Variants in ANXA13 observed in about 807,000 individuals in gnomAD.
The protein encoded by ANXA13 is annexin A13, also known as annexin XIII.
In ANXA13, 36 loss-of-function variants were observed where a neutral mutation model predicts 46.6. That is an observed-to-expected ratio of 0.77 (90% CI 0.59 to 1.02). The LOEUF (loss-of-function observed/expected upper bound fraction) is 1.02. ANXA13 is among the 50% of genes least tolerant of loss of function. ANXA13 has a pLI of 0.00. For synonymous variants in ANXA13, 163 were observed against 152.9 expected, an observed-to-expected ratio of 1.07 and a Z score of -0.49; for missense variants, 417 against 396.5, an observed-to-expected ratio of 1.05 and a Z score of -0.44.
At chr8:123,731,269 C>T (rs1231542245) in intron 1 of ANXA13, among the ~76,000 whole-genome samples, 3 of 152,110 alleles carry the variant, frequency 2.0e-5, no homozygotes, top group Non-Finnish European at 4.4e-5. Flanking sequence ...ACGTTAGACT[C>T]GTGGCTCTCA....
intron 2 of ANXA13, among the ~76,000 whole-genome samples, chr8:123,706,551 T>C (rs745690485): frequency 6.6e-6 from 1 of 152,194 alleles, no homozygotes; most frequent in Non-Finnish European, 1.5e-5. Flanking sequence ...GCCTCTCAGA[T>C]GCACCCATTT....
At chr8:123,731,925 A>G (rs1174475066) in intron 1 of ANXA13, among the ~76,000 whole-genome samples, 1 of 152,268 alleles carries the variant, frequency 6.6e-6, no homozygotes, top group African/African-American at 2.4e-5. Context: ...ACCACATGGG[A>G]GTGGAGTAAT....
intron 1 of ANXA13, chr8:123,728,784 G>A (rs906380070): frequency 3.9e-5 from 6 of 152,108 alleles, no homozygotes; most frequent in Admixed American, 3.9e-4. Flanking sequence ...TGGTAGAAGA[G>A]TTTATGCATT....
rs532679143 is a variant in ANXA13, at chr8:123,684,524, C to T, written c.831+86G>A. ...TGTTTTACTTTTTCTGTAAATAGGCCCTTAATAGAAACTATTTGTTGATGA... is the reference window on the plus strand; with the variant it reads ...TGTTTTACTTTTTCTGTAAATAGGCTCTTAATAGAAACTATTTGTTGATGA... On this transcript the variant is annotated intron_variant, in intron 10 of 10. Transcript: ENST00000419625. 1.5e-4 allele frequency: 136 copies of T among 927,446 alleles called. 2 individuals carry two copies. The Middle Eastern group carries it at 8.7e-3, about 59-fold the overall frequency. The allele number at this position is 927,446 out of a possible 1,614,324, so 57.5% of individuals were successfully genotyped here. A position where few individuals can be genotyped will look rare whatever the true frequency, so the allele number is the denominator to read the frequency against.
intron 1 of ANXA13, among the ~76,000 whole-genome samples, chr8:123,734,959 C>A (rs1160563802): frequency 2.0e-5 from 3 of 151,518 alleles, no homozygotes; most frequent in African/African-American, 7.3e-5. Flanking sequence ...GAGAAGGTCC[C>A]ACGGCATTAC....
At chr8:123,714,825 T>C (rs1054494356) in intron 1 of ANXA13, among the ~76,000 whole-genome samples, 12 of 152,206 alleles carry the variant, frequency 7.9e-5, no homozygotes, top group African/African-American at 2.9e-4. Flanking sequence ...TAGACCTTTC[T>C]TCATTATGCA....
chr8:123,693,962 G>A (rs1223545459), intron 6 of ANXA13, among the ~76,000 whole-genome samples, 183 bp from the exon 7 acceptor site: 2 of 151,842 alleles, frequency 1.3e-5, no homozygotes, highest in Non-Finnish European at 2.9e-5. Flanking sequence ...GATAAACAGA[G>A]GAGCTTCTGT....
chr8:123,735,784 G>C, intron 1 of ANXA13: 2 of 1,612,282 alleles, frequency 1.2e-6, no homozygotes. Flanking sequence ...TCTCCATTCC[G>C]TGATGGGTGG....
intron 4 of ANXA13, among the ~76,000 whole-genome samples, chr8:123,698,037 G>A (rs2294014): frequency 0.27 from 41,056 of 152,126 alleles, 5,930 homozygotes; most frequent in Middle Eastern, 0.35. Flanking sequence ...AGTGGCACAG[G>A]CATGCTTGGG....
chr8:123,699,267 C>T (rs1386847827), intron 3 of ANXA13, among the ~76,000 whole-genome samples: 2 of 152,174 alleles, frequency 1.3e-5, no homozygotes, highest in African/African-American at 4.8e-5. Context: ...GCAGCCTCGA[C>T]CTCCTGGGCT....
In ANXA13 at chr8:123,683,302, C is replaced by T. The variant is rs369697163; in HGVS notation, c.831+1308G>A. On this transcript the variant is annotated intron_variant, in intron 10 of 10. Transcript: ENST00000419625. The stretch of plus-strand genomic sequence containing the variant: ...AGGAATAGAAATAAAAAAGCAAGAA[C>T]CATCTTGTTGCAAAGTTATATTTAA... Among the ~76,000 whole-genome samples, 54 of 152,138 alleles carry T rather than the reference C, an allele frequency of 3.5e-4. No individual in the cohort carries two copies. The East Asian group carries it at 5.2e-3, about 15-fold the overall frequency.
At chr8:123,711,198 C>T (rs1345571332) in intron 2 of ANXA13, among the ~76,000 whole-genome samples, 2 of 152,230 alleles carry the variant, frequency 1.3e-5, no homozygotes, top group Non-Finnish European at 2.9e-5. Flanking sequence ...CTTTAGCAGA[C>T]AACCTCACCT....
chr8:123,709,899 C>T (rs375031417), intron 2 of ANXA13, among the ~76,000 whole-genome samples: 21 of 152,228 alleles, frequency 1.4e-4, no homozygotes, highest in African/African-American at 2.2e-4. Flanking sequence ...GCTGGGACTA[C>T]GGGTGTGCAC....
At chr8:123,702,863 C>T (rs753805672) in intron 2 of ANXA13, 127 bp from the exon 3 acceptor site, 14 of 773,006 alleles carry the variant, frequency 1.8e-5, no homozygotes, top group South Asian at 1.3e-4. Context: ...TGGAACCCAA[C>T]GGACCCTTAG....
At chr8:123,716,059 T>C (rs1813753930) in intron 1 of ANXA13, among the ~76,000 whole-genome samples, 1 of 152,152 alleles carries the variant, frequency 6.6e-6, no homozygotes, top group African/African-American at 2.4e-5. Flanking sequence ...GAAGATAATA[T>C]TGGGACTTAA....
intron 1 of ANXA13, among the ~76,000 whole-genome samples, chr8:123,733,617 A>C (rs1416228547): frequency 6.6e-6 from 1 of 152,222 alleles, no homozygotes; most frequent in African/African-American, 2.4e-5. Flanking sequence ...CACTGAACAG[A>C]TGTTCTAACA....
chr8:123,715,234 T>C (rs1414021350), intron 1 of ANXA13, among the ~76,000 whole-genome samples: 2 of 152,204 alleles, frequency 1.3e-5, no homozygotes, highest in Non-Finnish European at 2.9e-5. Context: ...ATCAGAGTAT[T>C]AAGCCAAGCA....
At chr8:123,695,361 A>G in intron 6 of ANXA13, 141 bp downstream of exon 6, 1 of 669,562 alleles carries the variant, frequency 1.5e-6, no homozygotes, top group Non-Finnish European at 2.6e-6. Context: ...GGGCTGATGG[A>G]GCATGGGTTG....
intron 4 of ANXA13, among the ~76,000 whole-genome samples, chr8:123,697,111 T>C (rs1352241655): frequency 6.6e-6 from 1 of 152,184 alleles, no homozygotes; most frequent in Non-Finnish European, 1.5e-5. Context: ...GGTTTCATCA[T>C]GTTAGCCAGG....
Sources: allele counts gnomAD v4.1 joint callset (sites outside exome capture counted in the v4.1 genomes callset), GRCh38; gene constraint gnomAD v4.1.1; transcripts MANE v1.5; gene names NCBI Gene and HGNC (gene_info 2026-07-23, HGNC 2026-07-21).